The following HLCS variants were observed in gnomAD, a reference collection of about 807,000 sequenced individuals.
HLCS encodes the protein biotin--protein ligase.
HLCS carries 53 observed loss-of-function variants against 75.0 expected under a neutral mutation model. The ratio of observed to expected loss-of-function variants is 0.71; its 90% confidence interval spans 0.57 to 0.89. HLCS has a LOEUF of 0.89. Among genes scored for constraint, HLCS ranks in the 40% least tolerant of loss-of-function variants. The pLI is 0.00. For synonymous variants in HLCS, 431 were observed against 428.6 expected (o/e 1.01, Z -0.07); for missense variants, 966 against 1,074.0 (o/e 0.90, Z 1.41).
intron 6 of HLCS, among the ~76,000 whole-genome samples, chr21:36,896,337 A>G (rs1347362059): frequency 6.6e-6 from 1 of 152,362 alleles, no homozygotes; most frequent in African/African-American, 2.4e-5. Context: ...GTGACAGAGC[A>G]AGATCCTATC....
chr21:36,755,012 C>A (rs1284258758), intron 10 of HLCS, among the ~76,000 whole-genome samples: 1 of 152,188 alleles, frequency 6.6e-6, no homozygotes, highest in Non-Finnish European at 1.5e-5. Flanking sequence ...CTCTTCCATT[C>A]TCACACCAAA....
upstream of HLCS, among the ~76,000 whole-genome samples, chr21:36,969,881 G>A (rs1401478925): frequency 6.6e-6 from 1 of 151,884 alleles, no homozygotes; most frequent in Non-Finnish European, 1.5e-5. Context: ...TCAGACTAGG[G>A]ATTTAGAAGC....
chr21:36,879,503 T>C (rs2064121644), intron 6 of HLCS, among the ~76,000 whole-genome samples: 1 of 152,196 alleles, frequency 6.6e-6, no homozygotes, highest in Non-Finnish European at 1.5e-5. Flanking sequence ...TTAAATACCA[T>C]TTGGGAAAAG....
At position 36,775,623 on chromosome 21, in the gene HLCS, C is replaced by T. The variant is rs77975769; in HGVS notation, c.1893-8338G>A. 1.1e-4 allele frequency among the ~76,000 whole-genome samples: 17 copies of T among 152,386 alleles called. No individual in the cohort carries two copies. The East Asian group carries it at 3.3e-3, about 29-fold the overall frequency. On this transcript the variant is annotated intron_variant, in intron 6 of 10. Transcript: ENST00000674895. Reference sequence around the variant, plus strand: ...ACTCAGACTATCTGTCCCCACTCCTCCGCCAGGAGTCTCCGGATCCTCCAC... The same window carrying T: ...ACTCAGACTATCTGTCCCCACTCCTTCGCCAGGAGTCTCCGGATCCTCCAC...
intron 6 of HLCS, among the ~76,000 whole-genome samples, chr21:36,834,966 CAGGAGTT>C (rs973231082): frequency 4.9e-4 from 74 of 152,290 alleles, no homozygotes; most frequent in Non-Finnish European, 2.8e-4. Context: ...TGTGGGGGGT[CAGGAGTT>C]AGGCTAAGCA....
At chr21:36,890,051 G>A (rs372050620) in intron 6 of HLCS, among the ~76,000 whole-genome samples, 2 of 152,154 alleles carry the variant, frequency 1.3e-5, no homozygotes. Flanking sequence ...TGATGGTTTT[G>A]TAAGTGTTTG....
intron 6 of HLCS, among the ~76,000 whole-genome samples, chr21:36,826,430 C>A (rs2062011011): frequency 6.6e-6 from 1 of 152,208 alleles, no homozygotes; most frequent in African/African-American, 2.4e-5. Context: ...GATCGTTATG[C>A]TTCACTGGAG....
intron 9 of HLCS, among the ~76,000 whole-genome samples, chr21:36,758,327 C>T (rs575033055): frequency 3.3e-5 from 5 of 152,174 alleles, no homozygotes; most frequent in African/African-American, 4.8e-5. Context: ...AGGCTGGTCT[C>T]GATCTCCTGG....
At chr21:36,905,745 G>A (rs566965413) in intron 5 of HLCS, among the ~76,000 whole-genome samples, 1 of 152,086 alleles carries the variant, frequency 6.6e-6, no homozygotes, top group Admixed American at 6.6e-5. Context: ...AAGGTTGTGG[G>A]ATACAAGGTC....
intron 6 of HLCS, among the ~76,000 whole-genome samples, chr21:36,779,366 C>G (rs1418082194): frequency 1.3e-5 from 2 of 151,826 alleles, no homozygotes; most frequent in Non-Finnish European, 2.9e-5. Context: ...CTTTCTCTAT[C>G]TAATCTATCC....
chr21:36,923,878 C>T (rs747876387), intron 5 of HLCS, among the ~76,000 whole-genome samples: 2 of 151,958 alleles, frequency 1.3e-5, no homozygotes, highest in Non-Finnish European at 2.9e-5. Context: ...AGGTGAAGGG[C>T]GAAGGAAGAA....
chr21:36,896,819 C>A, intron 6 of HLCS, 41 bp downstream of exon 6: 1 of 1,608,476 alleles, frequency 6.2e-7, no homozygotes, highest in Non-Finnish European at 8.5e-7. Flanking sequence ...ATCAATGGAA[C>A]AGGACTCCTC....
In HLCS at chr21:36,888,440, AAAAAAATATATATATATATAT is replaced by A. The variant is rs1233197290; in HGVS notation, c.1892+8399_1892+8419del. 3.9e-3 allele frequency among the ~76,000 whole-genome samples: 120 copies of A among 30,540 alleles called. 1 individual carries two copies. Among genetic ancestry groups the A allele is most frequent in the Admixed American group, 0.018 (32 of 1,808 alleles). 20.0% of individuals were successfully genotyped at this position (30,540 alleles called of 152,430 possible). On this transcript the variant is annotated intron_variant, in intron 6 of 10. Coordinates refer to ENST00000674895, the MANE Select transcript of HLCS (RefSeq NM_001352514.2). ...CCTGCCCCCTTCCCATTTAAAAAAA[AAAAAAATATATATATATATAT>A]ATATATATATATATATATATATATA...
chr21:36,979,672 T>G (rs1407747758), intron 1 of HLCS, among the ~76,000 whole-genome samples: 1 of 152,232 alleles, frequency 6.6e-6, no homozygotes, highest in Middle Eastern at 3.4e-3. Context: ...GCCAGCACTT[T>G]GAGAGGCCAA....
At chr21:36,843,260 A>AAGAG (rs2062676693) in intron 6 of HLCS, among the ~76,000 whole-genome samples, 2 of 152,070 alleles carry the variant, frequency 1.3e-5, no homozygotes, top group African/African-American at 4.8e-5. Context: ...GAAACATGGC[A>AAGAG]AGACCCTGTC....
intron 8 of HLCS, among the ~76,000 whole-genome samples, chr21:36,760,406 C>T (rs1289755742): frequency 2.0e-5 from 3 of 151,994 alleles, no homozygotes; most frequent in African/African-American, 4.8e-5. Flanking sequence ...GTCAGGAGTT[C>T]GAGACCAGTC....
At chr21:36,963,115 T>A (rs59683906) in intron 1 of HLCS, among the ~76,000 whole-genome samples, 13,039 of 151,980 alleles carry the variant, frequency 0.086, 727 homozygotes, top group East Asian at 0.18. Flanking sequence ...CAGTCAGGAG[T>A]GATTGTAGTT....
intron 1 of HLCS, chr21:36,990,145 C>G (rs909561003): frequency 1.3e-5 from 2 of 152,508 alleles, no homozygotes; most frequent in African/African-American, 2.4e-5. Flanking sequence ...CGGCCCGCAG[C>G]GCCCCGACTT....
At chr21:36,913,427 A>G (rs941118830) in intron 5 of HLCS, among the ~76,000 whole-genome samples, 1 of 151,644 alleles carries the variant, frequency 6.6e-6, no homozygotes, top group Non-Finnish European at 1.5e-5. Flanking sequence ...AGGAGGGAGA[A>G]GGGCAGTGGG....
Sources: gnomAD v4.1 joint callset for allele counts (sites outside exome capture counted in the v4.1 genomes callset) on GRCh38, gnomAD v4.1.1 for gene constraint, MANE v1.5 for transcripts, NCBI Gene and HGNC (gene_info 2026-07-23, HGNC 2026-07-21) for gene names.